Variants in EFEMP1 observed in about 807,000 individuals in gnomAD.
EFEMP1 encodes the protein EGF-like fibulin extracellular matrix protein 1.
Under a neutral mutation model 65.7 loss-of-function variants are expected in EFEMP1, and 18 were observed. The observed-to-expected ratio is 0.27, with a 90% CI of 0.19 to 0.41. EFEMP1 has a LOEUF of 0.41. EFEMP1 is among the 10% of genes least tolerant of loss of function. The pLI, the probability that EFEMP1 is intolerant of heterozygous loss-of-function variation, is 1.00. For missense variants in EFEMP1, 469 were observed against 624.8 expected, an observed-to-expected ratio of 0.75 and a Z score of 2.66; for synonymous variants, 237 against 219.7, an observed-to-expected ratio of 1.08 and a Z score of -0.70.
chr2:55,898,042 A>G (rs1669893362), intron 5 of EFEMP1, among the ~76,000 whole-genome samples: 2 of 152,156 alleles, frequency 1.3e-5, no homozygotes, highest in Non-Finnish European at 2.9e-5. Flanking sequence ...CTGTTTAGAC[A>G]TAGTTTATAT....
At chr2:55,920,868 C>T (rs1032173837) in intron 3 of EFEMP1, among the ~76,000 whole-genome samples, 2 of 152,170 alleles carry the variant, frequency 1.3e-5, no homozygotes, top group African/African-American at 4.8e-5. Context: ...TGTCCTTTAA[C>T]CATGAATTAT....
At chr2:55,912,760 T>C (rs1488829605) in intron 5 of EFEMP1, among the ~76,000 whole-genome samples, 4 of 152,188 alleles carry the variant, frequency 2.6e-5, no homozygotes, top group Admixed American at 6.5e-5. Context: ...ATTGAAAATA[T>C]AGCTGAAAGT....
intron 5 of EFEMP1, among the ~76,000 whole-genome samples, chr2:55,913,282 T>C (rs1376739783): frequency 6.6e-6 from 1 of 152,192 alleles, no homozygotes; most frequent in Non-Finnish European, 1.5e-5. Flanking sequence ...ACAGTCCTGG[T>C]AGACAGAGAT....
At chr2:55,918,868 A>T (rs1411086055) in intron 3 of EFEMP1, among the ~76,000 whole-genome samples, 2 of 152,160 alleles carry the variant, frequency 1.3e-5, no homozygotes, top group Non-Finnish European at 2.9e-5. Flanking sequence ...GAAACCAGGC[A>T]GTTTTAGGGC....
At chr2:55,872,116 C>T (rs1668832493) in intron 9 of EFEMP1, among the ~76,000 whole-genome samples, 1 of 152,112 alleles carries the variant, frequency 6.6e-6, no homozygotes, top group South Asian at 2.1e-4. Flanking sequence ...ATCTACATCT[C>T]TATGTCTGTC....
rs1405069298 is a variant in EFEMP1 at position 55,919,076 on chromosome 2, G to A, written c.82-809C>T. ...GAAGGGAAGACTTGACAGAGGAGGT[G>A]ACAGTAAATCAGGCTTTACAGGATG... On this transcript the variant is annotated intron_variant, in intron 3 of 11. Coordinates refer to ENST00000355426, the MANE Select transcript of EFEMP1 (RefSeq NM_001039348.3). The surrounding 1 kb of genome is among the most constrained non-coding windows in gnomAD (Gnocchi z 4.5). 6.6e-6 allele frequency among the ~76,000 whole-genome samples: 1 copy of A among 152,202 alleles called. No individual in the cohort carries two copies. Among genetic ancestry groups the A allele is most frequent in the Non-Finnish European group, 1.5e-5 (1 of 68,042 alleles).
At chr2:55,920,872 G>A (rs1670888107) in intron 3 of EFEMP1, among the ~76,000 whole-genome samples, 2 of 152,188 alleles carry the variant, frequency 1.3e-5, no homozygotes, top group South Asian at 4.1e-4. Flanking sequence ...CTTTAACCAT[G>A]AATTATTAGG....
At chr2:55,911,459 A>T (rs951858539) in intron 5 of EFEMP1, among the ~76,000 whole-genome samples, 1 of 152,044 alleles carries the variant, frequency 6.6e-6, no homozygotes, top group Non-Finnish European at 1.5e-5. Context: ...TTAAAACAAT[A>T]TATAGTTATA....
At chr2:55,884,905 TG>T (rs1669370953) in intron 5 of EFEMP1, among the ~76,000 whole-genome samples, 1 of 152,148 alleles carries the variant, frequency 6.6e-6, no homozygotes, top group Non-Finnish European at 1.5e-5. Flanking sequence ...TGAAACATGG[TG>T]GATTTTCAAT....
chr2:55,867,559 C>T lies in EFEMP1; in HGVS notation c.1321-325G>A, dbSNP rs1346147900. Among the ~76,000 whole-genome samples, 3 of 151,620 alleles carry T rather than the reference C, an allele frequency of 2.0e-5. No individual in the cohort carries two copies. Among genetic ancestry groups the T allele is most frequent in the Admixed American group, 6.6e-5 (1 of 15,180 alleles). On this transcript the variant is annotated intron_variant, in intron 11 of 11. Transcript: ENST00000355426. The surrounding 1 kb of genome is among the most constrained non-coding windows in gnomAD (Gnocchi z 4.3). ...CAGAGACTAGAGCTTAAGTGAGAATCTGATAATTTCTAAACTTGTAAACAA... is the reference window on the plus strand; with the variant it reads ...CAGAGACTAGAGCTTAAGTGAGAATTTGATAATTTCTAAACTTGTAAACAA...
At chr2:55,899,627 C>T (rs1264127554) in intron 5 of EFEMP1, among the ~76,000 whole-genome samples, 1 of 152,106 alleles carries the variant, frequency 6.6e-6, no homozygotes, top group Non-Finnish European at 1.5e-5. Context: ...AAGAATTGAC[C>T]AGAAACAGGC....
intron 5 of EFEMP1, among the ~76,000 whole-genome samples, chr2:55,909,988 A>G (rs1670421823): frequency 6.6e-6 from 1 of 152,290 alleles, no homozygotes; most frequent in East Asian, 1.9e-4. Flanking sequence ...CATTTGATCA[A>G]TTTCACTTGC....
At chr2:55,907,594 T>C (rs1400203683) in intron 5 of EFEMP1, among the ~76,000 whole-genome samples, 1 of 152,212 alleles carries the variant, frequency 6.6e-6, no homozygotes, top group Non-Finnish European at 1.5e-5. Flanking sequence ...TTTAATGGCA[T>C]GCTGGTGTGA....
chr2:55,881,339 AT>A (rs1669231900), intron 6 of EFEMP1, among the ~76,000 whole-genome samples: 2 of 152,086 alleles, frequency 1.3e-5, no homozygotes, highest in Non-Finnish European at 2.9e-5. Flanking sequence ...GCAAATTTAA[AT>A]TTTTTTGTGG....
Position 55,871,179 on chromosome 2 carries a change from T to G in EFEMP1, c.1001-56A>C. Reference sequence around the variant, plus strand: ...AACTAAACTAATGAACTGATCTAATTAAATCATATAACTGGCAGATTCTGT... The same window carrying G: ...AACTAAACTAATGAACTGATCTAATGAAATCATATAACTGGCAGATTCTGT... On this transcript the variant is annotated intron_variant, in intron 9 of 11. Transcript: ENST00000355426. The surrounding 1 kb of genome is among the most constrained non-coding windows in gnomAD (Gnocchi z 4.2). The G allele has an allele frequency of 6.2e-7, 1 of 1,608,960 alleles. No individual in the cohort carries two copies. The highest frequency in any genetic ancestry group is 8.5e-7 in the Non-Finnish European group (1 of 1,177,830).
At chr2:55,892,241 C>T (rs999200317) in intron 5 of EFEMP1, among the ~76,000 whole-genome samples, 20 of 152,154 alleles carry the variant, frequency 1.3e-4, no homozygotes, top group African/African-American at 4.8e-4. Context: ...ATAAGTTTCT[C>T]AGAAAATACA....
At position 55,881,644 on chromosome 2, in the gene EFEMP1, G is replaced by C; in HGVS notation, c.608C>G (p.Pro203Arg). ...LRGSFACQCP[P>R]GYQKRGEQCV... The stretch of plus-strand genomic sequence containing the variant: ...CTGCTCCCCTCGCTTCTGATATCCA[G>C]GAGGGCACTGACATGCAAAGGATCC... The change falls in exon 6 of 12, where the codon CCT becomes CGT. Residue 203 changes from proline to arginine, a missense_variant. This residue lies in a region of EFEMP1 where 399 missense variants were observed against 528.2 expected (regional missense o/e 0.76). Transcript: ENST00000355426. 1 of 1,613,918 alleles carries C rather than the reference G, an allele frequency of 6.2e-7. No homozygotes were observed. The highest frequency in any genetic ancestry group is 1.7e-4 in the Middle Eastern group (1 of 6,026).
Position 55,923,650 on chromosome 2 carries a change from C to T in EFEMP1, c.-49+61G>A. The T allele has an allele frequency of 1.0e-6, 1 of 985,712 alleles. No homozygotes were observed. Among genetic ancestry groups the T allele is most frequent in the Non-Finnish European group, 1.2e-6 (1 of 830,204 alleles). 61.1% of individuals were successfully genotyped at this position (985,712 alleles called of 1,614,324 possible). A position where few individuals can be genotyped will look rare whatever the true frequency, so the allele number is the denominator to read the frequency against. On this transcript the variant is annotated intron_variant, in intron 1 of 11. Coordinates refer to ENST00000355426, the MANE Select transcript of EFEMP1 (RefSeq NM_001039348.3). This position sits in a 1 kb window ranked among gnomAD's most constrained non-coding sequence, Gnocchi z 5.3. ...CCTCAGCTCACCCCACCTCACTCTC[C>T]CGCGCGCGGCCCAGTGAGTACTGGG...
chr2:55,913,574 G>A (rs1343664872), intron 5 of EFEMP1, among the ~76,000 whole-genome samples: 2 of 149,686 alleles, frequency 1.3e-5, no homozygotes, highest in South Asian at 2.2e-4. Context: ...GGCAATCAAT[G>A]CTTTCTCTTT....
Sources: allele counts gnomAD v4.1 joint callset (sites outside exome capture counted in the v4.1 genomes callset), GRCh38; gene constraint gnomAD v4.1.1; regional missense constraint gnomAD v4.1.1; non-coding constraint Gnocchi (gnomAD v3.1); transcripts MANE v1.5; gene names NCBI Gene and HGNC (gene_info 2026-07-23, HGNC 2026-07-21).